Variants in PREX1 observed in about 807,000 individuals in gnomAD.
PREX1 encodes phosphatidylinositol 3,4,5-trisphosphate-dependent Rac exchanger 1 protein.
PREX1 carries 41 observed loss-of-function variants against 198.3 expected under a neutral mutation model. That is an observed-to-expected ratio of 0.21 (90% CI 0.16 to 0.27). The LOEUF (loss-of-function observed/expected upper bound fraction) is 0.27, where lower values mean the gene tolerates loss of function less well. Among genes scored for constraint, PREX1 ranks in the 10% least tolerant of loss-of-function variants. The probability of loss-of-function intolerance (pLI) is 1.00; values close to 1 mark genes in which losing one functional copy is unlikely to be tolerated. For synonymous variants in PREX1, 843 were observed against 887.2 expected, an observed-to-expected ratio of 0.95 and a Z score of 0.89; for missense variants, 1,620 against 2,200.7, an observed-to-expected ratio of 0.74 and a Z score of 5.28.
intron 1 of PREX1, among the ~76,000 whole-genome samples, chr20:48,784,714 T>C (rs765345529): frequency 6.6e-6 from 1 of 152,178 alleles, no homozygotes; most frequent in Non-Finnish European, 1.5e-5. Context: ...AGTGGGCGAC[T>C]GGGCATGAAA....
chr20:48,840,888 T>C, the PREX1 span, among the ~76,000 whole-genome samples: 1 of 151,982 alleles, frequency 6.6e-6, no homozygotes, highest in African/African-American at 2.4e-5. Flanking sequence ...AGTGGCATGA[T>C]CATGGCTCAC....
intron 2 of PREX1, among the ~76,000 whole-genome samples, chr20:48,746,893 A>G (rs1706677760): frequency 6.7e-6 from 1 of 150,242 alleles, no homozygotes; most frequent in African/African-American, 2.4e-5. Context: ...TGCTGAATGA[A>G]TGAGTGAATA....
the PREX1 span, among the ~76,000 whole-genome samples, chr20:48,852,698 T>C: frequency 6.6e-6 from 1 of 152,192 alleles, no homozygotes; most frequent in African/African-American, 2.4e-5. Flanking sequence ...ACACACCCAG[T>C]GATGTATGTA....
At chr20:48,628,425 T>G (rs564101634) in intron 37 of PREX1, among the ~76,000 whole-genome samples, 1 of 152,298 alleles carries the variant, frequency 6.6e-6, no homozygotes, top group Non-Finnish European at 1.5e-5. Context: ...TGTCCCTCCA[T>G]GTAACTCCTC....
intron 7 of PREX1, among the ~76,000 whole-genome samples, chr20:48,699,175 C>A (rs1440372909): frequency 6.6e-6 from 1 of 152,202 alleles, no homozygotes; most frequent in South Asian, 2.1e-4. Flanking sequence ...GACAAGGAAA[C>A]TGAGGCTCAG....
chr20:48,742,585 C>T (rs1231118753), intron 3 of PREX1, among the ~76,000 whole-genome samples: 1 of 152,160 alleles, frequency 6.6e-6, no homozygotes, highest in Non-Finnish European at 1.5e-5. Flanking sequence ...CCTAAACATC[C>T]ACCCTCCACA....
the PREX1 span, among the ~76,000 whole-genome samples, chr20:48,883,900 G>T: frequency 7.2e-5 from 11 of 152,082 alleles, no homozygotes; most frequent in South Asian, 2.1e-4. Context: ...CAGCACTTTG[G>T]GGGGCTGAGG....
At chr20:48,649,618 A>G (rs745437703) in intron 24 of PREX1, 42 bp from the exon 25 acceptor site, 25 of 1,538,330 alleles carry the variant, frequency 1.6e-5, no homozygotes, top group Non-Finnish European at 2.1e-5. Flanking sequence ...AACAGCCCCC[A>G]GCATCCACTG....
In PREX1 at chr20:48,781,024, C is replaced by T. The variant is rs186417995; in HGVS notation, c.220-33144G>A. Among the ~76,000 whole-genome samples the T allele has an allele frequency of 1.0e-3, 155 of 152,252 alleles. No individual in the cohort carries two copies. The Middle Eastern group carries it at 0.01, about 10-fold the overall frequency. The stretch of plus-strand genomic sequence containing the variant: ...ACGCATAAGCTCAAGTCCAAAGTGG[C>T]AGACAGTCTACAAAATACCTGACCA... On this transcript the variant is annotated intron_variant, in intron 1 of 39. Coordinates refer to ENST00000371941, the MANE Select transcript of PREX1 (RefSeq NM_020820.4).
intron 1 of PREX1, among the ~76,000 whole-genome samples, chr20:48,805,460 C>T (rs2090407656): frequency 6.6e-6 from 1 of 152,258 alleles, no homozygotes; most frequent in Non-Finnish European, 1.5e-5. Flanking sequence ...AGACCCCCTC[C>T]ACCCTACCTT....
intron 1 of PREX1, among the ~76,000 whole-genome samples, chr20:48,815,308 T>C (rs1453446934): frequency 1.3e-5 from 2 of 152,192 alleles, no homozygotes; most frequent in African/African-American, 4.8e-5. Context: ...TGTAGAACAC[T>C]GCACCCAACG....
chr20:48,859,759 T>C, the PREX1 span, among the ~76,000 whole-genome samples: 1 of 152,236 alleles, frequency 6.6e-6, no homozygotes, highest in Non-Finnish European at 1.5e-5. Context: ...AGCTCATGCC[T>C]GTAATCCCAG....
At chr20:48,722,601 G>A (rs951496635) in intron 5 of PREX1, among the ~76,000 whole-genome samples, 15 of 152,210 alleles carry the variant, frequency 9.9e-5, no homozygotes, top group African/African-American at 3.4e-4. Context: ...CACCACAGGA[G>A]CAAGTCTAGA....
At chr20:48,693,083 C>T (rs569546746) in intron 7 of PREX1, among the ~76,000 whole-genome samples, 23 of 152,284 alleles carry the variant, frequency 1.5e-4, no homozygotes, top group African/African-American at 5.5e-4. Context: ...AACAGAAACC[C>T]ATTCTTCTTG....
chr20:48,706,926 G>A (rs1354445885), intron 6 of PREX1, among the ~76,000 whole-genome samples: 2 of 152,196 alleles, frequency 1.3e-5, no homozygotes, highest in East Asian at 1.9e-4. Context: ...CCCTGCCCCA[G>A]GTGGGAAAGG....
chr20:48,882,893 CTA>C, the PREX1 span, among the ~76,000 whole-genome samples: 1 of 144,746 alleles, frequency 6.9e-6, no homozygotes, highest in Non-Finnish European at 1.5e-5. Context: ...AAAGGAGTGT[CTA>C]TTCAAATTCT....
intron 3 of PREX1, among the ~76,000 whole-genome samples, chr20:48,736,257 C>G (rs1249517162): frequency 6.6e-6 from 1 of 152,098 alleles, no homozygotes; most frequent in Non-Finnish European, 1.5e-5. Context: ...AAATATCAGA[C>G]AAACCATGTT....
At chr20:48,701,015 G>T in intron 6 of PREX1, 129 bp from the exon 7 acceptor site, 1 of 1,258,818 alleles carries the variant, frequency 7.9e-7, no homozygotes, top group Non-Finnish European at 1.1e-6. Flanking sequence ...TCAATGGACA[G>T]AAAATCAACA....
chr20:48,679,144 G>A (rs1417084851), intron 13 of PREX1, among the ~76,000 whole-genome samples: 2 of 152,162 alleles, frequency 1.3e-5, no homozygotes, highest in Non-Finnish European at 2.9e-5. Context: ...AGCTCAGTCT[G>A]TCTGGCTCCA....
Sources: allele counts gnomAD v4.1 joint callset (sites outside exome capture counted in the v4.1 genomes callset), GRCh38; gene constraint gnomAD v4.1.1; transcripts MANE v1.5; gene names NCBI Gene and HGNC (gene_info 2026-07-23, HGNC 2026-07-21).